The following ZNF66 variants were observed in gnomAD, a reference collection of about 807,000 sequenced individuals.
ZNF66 encodes zinc finger protein 66, also known as putative zinc finger protein 66.
Under a neutral mutation model 35.2 loss-of-function variants are expected in ZNF66, and 32 were observed. The observed-to-expected ratio is 0.91, with a 90% CI of 0.69 to 1.22. The LOEUF is 1.22. Ranked by LOEUF, ZNF66 falls within the 50% of genes most tolerant of loss-of-function variation. The pLI, the probability that ZNF66 is intolerant of heterozygous loss-of-function variation, is 0.00. For missense variants in ZNF66, 666 were observed against 543.1 expected (o/e 1.23, Z -2.25); for synonymous variants, 231 against 181.3 (o/e 1.27, Z -2.20).
chr19:20,788,321 C>T (rs1437610487), intron 1 of ZNF66, among the ~76,000 whole-genome samples: 4 of 152,142 alleles, frequency 2.6e-5, no homozygotes, highest in African/African-American at 9.6e-5. Context: ...AAACACGTGT[C>T]CAAAATCTTG....
At chr19:20,789,104 G>A (rs542883163) in intron 1 of ZNF66, among the ~76,000 whole-genome samples, 8 of 151,930 alleles carry the variant, frequency 5.3e-5, no homozygotes, top group Non-Finnish European at 7.4e-5. Context: ...TTTAAATTGC[G>A]TATTAGTATG....
chr19:20,780,729 TTTGGG>T (rs1299312287), intron 1 of ZNF66, among the ~76,000 whole-genome samples: 1 of 152,158 alleles, frequency 6.6e-6, no homozygotes, highest in Non-Finnish European at 1.5e-5. Flanking sequence ...AAACTAGGTG[TTTGGG>T]AATGGGAGCT....
At position 20,807,103 on chromosome 19, in the gene ZNF66, A is replaced by T. The variant is rs563154980; in HGVS notation, c.1503A>T (p.Arg501Ser). The change falls in exon 4 of 4, where the codon AGA becomes AGT. Residue 501 changes from arginine to serine, a missense_variant. Physicochemically the swap from Arg to Ser is moderately radical, Grantham distance 110. Transcript: ENST00000344519. ...CCTCTATTCTTACTACACATAAGAG[A>T]ATTCATACTGCAGATAAACCCTACA... ...KCSSILTTHKRIHTADKPYKC... is the reference protein window; with the variant it reads ...KCSSILTTHKSIHTADKPYKC... 3.0e-5 allele frequency: 24 copies of T among 794,262 alleles called. No homozygotes were observed. Among genetic ancestry groups the T allele is most frequent in the Middle Eastern group, 2.3e-4 (1 of 4,392 alleles). The allele number at this position is 794,262 out of a possible 1,614,324, so 49.2% of individuals were successfully genotyped here. A position where few individuals can be genotyped will look rare whatever the true frequency, so the allele number is the denominator to read the frequency against.
chr19:20,786,335 C>A (rs1971286763), intron 1 of ZNF66, among the ~76,000 whole-genome samples: 1 of 152,178 alleles, frequency 6.6e-6, no homozygotes, highest in Non-Finnish European at 1.5e-5. Flanking sequence ...AGCAATCAAT[C>A]ATTTTACCTC....
At chr19:20,798,582 A>G (rs1971417249) in intron 3 of ZNF66, among the ~76,000 whole-genome samples, 1 of 152,176 alleles carries the variant, frequency 6.6e-6, no homozygotes, top group South Asian at 2.1e-4. Context: ...TGTTCATTTC[A>G]GGCATGTTAA....
intron 3 of ZNF66, among the ~76,000 whole-genome samples, chr19:20,801,665 G>T (rs1017118817): frequency 2.0e-5 from 3 of 151,634 alleles, no homozygotes; most frequent in African/African-American, 7.3e-5. Flanking sequence ...TTGAGATAGG[G>T]TCTCACTCTG....
At position 20,806,927 on chromosome 19, in the gene ZNF66, C is replaced by T. The variant is rs1568501955; in HGVS notation, c.1327C>T (p.His443Tyr). 3.3e-6 allele frequency: 4 copies of T among 1,203,628 alleles called. No homozygotes were observed. Among genetic ancestry groups the T allele is most frequent in the Non-Finnish European group, 3.7e-6 (3 of 807,364 alleles). The allele number at this position is 1,203,628 out of a possible 1,614,324, so 74.6% of individuals were successfully genotyped here. Residue 443 changes from histidine (H) to tyrosine (Y), a missense_variant, in exon 4 of 4, where the codon CAT becomes TAT. Coordinates refer to ENST00000344519, the MANE Select transcript of ZNF66 (RefSeq NM_001355197.2). The part of the protein sequence containing the change: ...AFSRSSILTT[H>Y]KIIHTGEKPY... Reference sequence around the variant, plus strand: ...CAGTCGGTCCTCTATTCTTACTACACATAAGATAATTCACACTGGAGAGAA... The same window carrying T: ...CAGTCGGTCCTCTATTCTTACTACATATAAGATAATTCACACTGGAGAGAA...
At position 20,805,956 on chromosome 19, in the gene ZNF66, G is replaced by C; in HGVS notation, c.356G>C (p.Ser119Thr). 1.4e-6 allele frequency: 1 copy of C among 709,560 alleles called. No individual in the cohort carries two copies. The highest frequency in any genetic ancestry group is 2.5e-6 in the Non-Finnish European group (1 of 399,614). The allele number at this position is 709,560 out of a possible 1,614,324, so 44.0% of individuals were successfully genotyped here. A position where few individuals can be genotyped will look rare whatever the true frequency, so the allele number is the denominator to read the frequency against. ...TTGCAGTTAAAAAAAGGCTGTGAAA[G>C]TGTGGATAAGTGTAAAGTGCACAAA... ...DNLQLKKGCE[S>T]VDKCKVHKRG... Residue 119 changes from serine (S) to threonine (T), a missense_variant, in exon 4 of 4, where the codon AGT (serine) becomes ACT (threonine). By Grantham distance (58) the Ser-to-Thr change is moderately conservative. Coordinates refer to ENST00000344519, the MANE Select transcript of ZNF66 (RefSeq NM_001355197.2).
chr19:20,789,794 A>G (rs987324908), intron 1 of ZNF66, among the ~76,000 whole-genome samples: 4 of 152,230 alleles, frequency 2.6e-5, no homozygotes, highest in African/African-American at 9.6e-5. Flanking sequence ...ATTAAATCAC[A>G]TAATGTGTTA....
chr19:20,805,126 T>TGTGAGAGA (rs752355466), intron 3 of ZNF66, among the ~76,000 whole-genome samples: 113 of 146,078 alleles, frequency 7.7e-4, no homozygotes, highest in Non-Finnish European at 1.3e-3. Context: ...TGTGTGTGTG[T>TGTGAGAGA]GAGAGAGAGA....
chr19:20,808,864 G>A lies in ZNF66; in HGVS notation c.*1542G>A, dbSNP rs1483767764. 1.3e-5 allele frequency among the ~76,000 whole-genome samples: 2 copies of A among 152,144 alleles called. No individual in the cohort carries two copies. The highest frequency in any genetic ancestry group is 4.8e-5 in the African/African-American group (2 of 41,418). ...GGATGGAGAATGACTTTGATGAGTT[G>A]AGAGAAGAAGGCTTCAGACGATCAA... On this transcript the variant is annotated 3_prime_UTR_variant, in exon 4 of 4. Transcript: ENST00000344519.
At chr19:20,779,940 A>C (rs35542073) in intron 1 of ZNF66, among the ~76,000 whole-genome samples, 13,765 of 151,422 alleles carry the variant, frequency 0.091, 775 homozygotes, top group Non-Finnish European at 0.12. Flanking sequence ...AAAAAAAAAA[A>C]AAAACACCAA....
chr19:20,795,801 G>T (rs1421781513), intron 3 of ZNF66, among the ~76,000 whole-genome samples: 1 of 152,112 alleles, frequency 6.6e-6, no homozygotes, highest in Non-Finnish European at 1.5e-5. Flanking sequence ...TTGTAAATGG[G>T]TGCCTTCCTC....
chr19:20,805,225 C>T (rs1293538198), intron 3 of ZNF66, among the ~76,000 whole-genome samples: 1 of 151,998 alleles, frequency 6.6e-6, no homozygotes, highest in East Asian at 1.9e-4. Flanking sequence ...TACAGAGTCT[C>T]ACTCTGTCAC....
chr19:20,792,996 G>T (rs997670916), intron 2 of ZNF66, among the ~76,000 whole-genome samples: 1 of 151,840 alleles, frequency 6.6e-6, no homozygotes, highest in Non-Finnish European at 1.5e-5. Flanking sequence ...GAACTCAGGA[G>T]GTGAAGGTTG....
chr19:20,800,699 G>C (rs188767513), intron 3 of ZNF66, among the ~76,000 whole-genome samples: 1 of 152,250 alleles, frequency 6.6e-6, no homozygotes, highest in East Asian at 1.9e-4. Flanking sequence ...CTTCCACCAT[G>C]ATTTTAAGCT....
intron 1 of ZNF66, among the ~76,000 whole-genome samples, chr19:20,789,520 A>G (rs527909992): frequency 6.6e-6 from 1 of 152,260 alleles, no homozygotes; most frequent in South Asian, 2.1e-4. Flanking sequence ...TTATATTTAG[A>G]CACTTGTTTT....
intron 1 of ZNF66, 22 bp downstream of exon 1, chr19:20,776,472 C>T: frequency 6.5e-7 from 1 of 1,541,490 alleles, no homozygotes; most frequent in East Asian, 2.3e-5. Flanking sequence ...GGTCCAGCAT[C>T]CCGAGAGAGG....
intron 1 of ZNF66, among the ~76,000 whole-genome samples, chr19:20,779,689 G>A (rs912100303): frequency 1.3e-5 from 2 of 151,420 alleles, no homozygotes; most frequent in African/African-American, 2.4e-5. Flanking sequence ...ATTACTGGAA[G>A]GCTGAGGTGG....
Sources: gnomAD v4.1 joint callset for allele counts (sites outside exome capture counted in the v4.1 genomes callset) on GRCh38, gnomAD v4.1.1 for gene constraint, MANE v1.5 for transcripts, NCBI Gene and HGNC (gene_info 2026-07-23, HGNC 2026-07-21) for gene names.